Variants in EIF4G3 observed in about 807,000 individuals in gnomAD.
EIF4G3 encodes the protein eukaryotic translation initiation factor 4 gamma 3.
Under a neutral mutation model 186.4 loss-of-function variants are expected in EIF4G3, and 34 were observed. That is an observed-to-expected ratio of 0.18 (90% CI 0.14 to 0.24). The LOEUF is 0.24. Among genes scored for constraint, EIF4G3 ranks in the 10% least tolerant of loss-of-function variants. The probability of loss-of-function intolerance (pLI) is 1.00; values close to 1 mark genes in which losing one functional copy is unlikely to be tolerated. For synonymous variants in EIF4G3, 673 were observed against 679.5 expected (o/e 0.99, Z 0.15); for missense variants, 1,536 against 1,948.5 (o/e 0.79, Z 3.99).
intron 3 of EIF4G3, among the ~76,000 whole-genome samples, chr1:21,058,903 A>G (rs2094727521): frequency 6.6e-6 from 1 of 151,756 alleles, no homozygotes; most frequent in Non-Finnish European, 1.5e-5. Flanking sequence ...TAGACTTGTG[A>G]CTGGATTCTA....
chr1:21,134,690 A>G (rs996261996), intron 2 of EIF4G3, among the ~76,000 whole-genome samples: 3 of 152,140 alleles, frequency 2.0e-5, no homozygotes, highest in Non-Finnish European at 4.4e-5. Context: ...AAATAAAAAT[A>G]ACAGAAATAC....
chr1:20,965,121 C>G (rs2074319457), intron 12 of EIF4G3, among the ~76,000 whole-genome samples: 1 of 152,208 alleles, frequency 6.6e-6, no homozygotes, highest in African/African-American at 2.4e-5. Context: ...CACACCCAAA[C>G]ATAACTTTTC....
At chr1:20,862,356 A>AGACAAAAT in intron 22 of EIF4G3, 24 bp from the exon 23 acceptor site, 1 of 1,357,160 alleles carries the variant, frequency 7.4e-7, no homozygotes, top group Non-Finnish European at 1.0e-6. Context: ...AATCATTAGT[A>AGACAAAAT]CTCCTGTCTG....
At chr1:21,115,691 GATTT>G (rs1181419458) in intron 2 of EIF4G3, among the ~76,000 whole-genome samples, 2 of 152,020 alleles carry the variant, frequency 1.3e-5, no homozygotes, top group Admixed American at 6.6e-5. Flanking sequence ...TAAATGAGAC[GATTT>G]ATTAGAATAA....
chr1:21,157,655 T>G (rs1312279702), intron 2 of EIF4G3, among the ~76,000 whole-genome samples: 4 of 152,126 alleles, frequency 2.6e-5, no homozygotes, highest in Non-Finnish European at 4.4e-5. Flanking sequence ...TTTTGTATAT[T>G]CTTCAATAGA....
intron 2 of EIF4G3, among the ~76,000 whole-genome samples, chr1:21,144,797 T>C (rs892347752): frequency 1.3e-5 from 2 of 152,182 alleles, no homozygotes; most frequent in African/African-American, 4.8e-5. Flanking sequence ...CAGATTTCTT[T>C]CTCATAAGCT....
intron 20 of EIF4G3, 82 bp from the exon 21 acceptor site, chr1:20,865,344 A>G (rs1012126013): frequency 1.3e-6 from 2 of 1,499,976 alleles, no homozygotes; most frequent in Non-Finnish European, 1.8e-6. Flanking sequence ...ATTGTATGAA[A>G]TAATGCTGAC....
chr1:21,119,616 G>C (rs2096891906), intron 2 of EIF4G3, among the ~76,000 whole-genome samples: 1 of 152,108 alleles, frequency 6.6e-6, no homozygotes, highest in Non-Finnish European at 1.5e-5. Context: ...TATGTAATTT[G>C]AAAAAGGACA....
chr1:20,816,160 CGGCCGCCCCT>C (rs1400586293), intron 34 of EIF4G3, among the ~76,000 whole-genome samples: 82 of 125,906 alleles, frequency 6.5e-4, no homozygotes, highest in Non-Finnish European at 1.1e-3. Context: ...CGCCTCTGCC[CGGCCGCCCCT>C]ACTGGGAAGT....
intron 4 of EIF4G3, among the ~76,000 whole-genome samples, chr1:21,015,793 A>G (rs886441845): frequency 4.7e-5 from 7 of 150,458 alleles, no homozygotes; most frequent in Non-Finnish European, 1.0e-4. Flanking sequence ...TGAGAATTCT[A>G]TATCCAGCAA....
intron 7 of EIF4G3, 67 bp from the exon 8 acceptor site, chr1:20,982,475 GT>G: frequency 7.8e-7 from 1 of 1,285,162 alleles, no homozygotes; most frequent in Non-Finnish European, 1.1e-6. Context: ...TTACAGATCA[GT>G]TGGAAGGGAC....
At chr1:20,817,889 T>C (rs2154545471) in intron 33 of EIF4G3, among the ~76,000 whole-genome samples, 1 of 152,174 alleles carries the variant, frequency 6.6e-6, no homozygotes, top group African/African-American at 2.4e-5. Flanking sequence ...CTGCCCAGGC[T>C]GGTCTTGAAC....
In EIF4G3 at chr1:20,864,351, G is replaced by A. The variant is rs1007931182; in HGVS notation, c.3006+125C>T. On this transcript the variant is annotated intron_variant, in intron 22 of 36. Coordinates refer to ENST00000602326, the MANE Select transcript of EIF4G3 (RefSeq NM_001391906.1). The stretch of plus-strand genomic sequence containing the variant: ...TGGTTGAACACTGACAATGAGACGG[G>A]CAAAAGAAGAAAAATAAACAGCCCA... The A allele has an allele frequency of 3.9e-5, 29 of 749,704 alleles. No individual in the cohort carries two copies. The Admixed American group carries it at 6.6e-4, about 17-fold the overall frequency. 46.4% of individuals were successfully genotyped at this position (749,704 alleles called of 1,614,324 possible).
chr1:20,990,502 G>A lies in EIF4G3; in HGVS notation c.177+7099C>T, dbSNP rs537124378. On this transcript the variant is annotated intron_variant, in intron 7 of 36. Transcript: ENST00000602326. Reference sequence around the variant, plus strand: ...AGCCTGGCCAACATGGTGAAACCCCGTCTCTACCAGAAATACAAAAATTAG... The same window carrying A: ...AGCCTGGCCAACATGGTGAAACCCCATCTCTACCAGAAATACAAAAATTAG... 4.6e-5 allele frequency among the ~76,000 whole-genome samples: 7 copies of A among 152,172 alleles called. No individual in the cohort carries two copies. In the South Asian group the frequency reaches 6.2e-4, roughly 14 times the overall value.
In EIF4G3 at chr1:21,109,760, T is replaced by C. The variant is rs1360688600; in HGVS notation, c.-271-20547A>G. ...ACTAACACAACACTGAAATGAAGTG[T>C]ATGGCCCATTTCAACAGAGACTGTA... On this transcript the variant is annotated intron_variant, in intron 2 of 36. Transcript: ENST00000602326. 2.6e-5 allele frequency among the ~76,000 whole-genome samples: 4 copies of C among 152,082 alleles called. No individual in the cohort carries two copies. In the South Asian group the frequency reaches 6.2e-4, roughly 24 times the overall value.
chr1:20,823,384 AT>A (rs2062861870), intron 33 of EIF4G3, among the ~76,000 whole-genome samples: 2 of 151,576 alleles, frequency 1.3e-5, no homozygotes, highest in African/African-American at 4.8e-5. Flanking sequence ...TTGTTTATTT[AT>A]TTTATTTTTT....
At chr1:21,042,439 T>C (rs1037915081) in intron 4 of EIF4G3, among the ~76,000 whole-genome samples, 4 of 152,194 alleles carry the variant, frequency 2.6e-5, no homozygotes, top group East Asian at 1.9e-4. Flanking sequence ...GTGTGTGTTA[T>C]TGACTTTTTA....
At chr1:20,823,048 AG>A (rs1262355788) in intron 33 of EIF4G3, among the ~76,000 whole-genome samples, 2 of 150,936 alleles carry the variant, frequency 1.3e-5, no homozygotes, top group East Asian at 1.9e-4. Flanking sequence ...TTTTTTTTTG[AG>A]GGGGAGGCAG....
intron 14 of EIF4G3, among the ~76,000 whole-genome samples, chr1:20,934,392 C>G (rs1012790595): frequency 6.6e-6 from 1 of 151,880 alleles, no homozygotes; most frequent in Non-Finnish European, 1.5e-5. Context: ...TGGCATGAGA[C>G]AGACAATAAG....
Sources: allele counts gnomAD v4.1 joint callset (sites outside exome capture counted in the v4.1 genomes callset), GRCh38; gene constraint gnomAD v4.1.1; transcripts MANE v1.5; gene names NCBI Gene and HGNC (gene_info 2026-07-23, HGNC 2026-07-21).